Variants in GLI2 observed in about 807,000 individuals in gnomAD.
The protein encoded by GLI2 is GLI family zinc finger 2.
In GLI2, 22 loss-of-function variants were observed where a neutral mutation model predicts 78.9. That is an observed-to-expected ratio of 0.28 (90% confidence interval 0.20 to 0.40). GLI2 has a LOEUF of 0.40. GLI2 is among the 10% of genes least tolerant of loss of function. The pLI, the probability that GLI2 is intolerant of heterozygous loss-of-function variation, is 1.00. For synonymous variants in GLI2, 974 were observed against 963.7 expected (o/e 1.01, Z -0.20); for missense variants, 2,097 against 2,213.2 (o/e 0.95, Z 1.05).
At chr2:120,898,545 A>G (rs1046452225) in intron 2 of GLI2, among the ~76,000 whole-genome samples, 1 of 152,028 alleles carries the variant, frequency 6.6e-6, no homozygotes, top group African/African-American at 2.4e-5. Context: ...AGCACCCACT[A>G]TGGGCTCGAC....
At chr2:120,984,330 C>A in intron 11 of GLI2, 141 bp from the exon 12 acceptor site, 1 of 892,404 alleles carries the variant, frequency 1.1e-6, no homozygotes, top group Non-Finnish European at 1.9e-6. Flanking sequence ...GCACTGGCTG[C>A]AAATTTGACA....
At chr2:120,933,876 G>GCCCTGCCCTGC (rs1680068563) in intron 3 of GLI2, among the ~76,000 whole-genome samples, 2 of 144,686 alleles carry the variant, frequency 1.4e-5, no homozygotes, top group Admixed American at 6.8e-5. Flanking sequence ...GCCCTGCCCT[G>GCCCTGCCCTGC]CCCTGCCCTG....
intron 2 of GLI2, among the ~76,000 whole-genome samples, chr2:120,905,873 C>CA (rs879896816): frequency 5.9e-5 from 9 of 151,860 alleles, no homozygotes; most frequent in Non-Finnish European, 2.9e-5. Flanking sequence ...CACTGCCCCC[C>CA]CCCCGCCCCC....
chr2:120,956,870 G>A (rs944367697), intron 5 of GLI2, among the ~76,000 whole-genome samples: 18 of 152,050 alleles, frequency 1.2e-4, no homozygotes, highest in African/African-American at 2.2e-4. Context: ...ACCCCGACCC[G>A]CCCCCAGGGC....
intron 1 of GLI2, among the ~76,000 whole-genome samples, chr2:120,773,442 G>A (rs1458625861): frequency 6.6e-6 from 1 of 152,310 alleles, no homozygotes; most frequent in African/African-American, 2.4e-5. Flanking sequence ...TGGGAAAGCC[G>A]TTGGGGGCTC....
intron 5 of GLI2, among the ~76,000 whole-genome samples, chr2:120,957,635 G>A (rs1681337739): frequency 6.6e-6 from 1 of 152,230 alleles, no homozygotes. Flanking sequence ...CAAGAGAGGT[G>A]AGATGAGGCA....
rs1178686104 is a variant in GLI2, at chr2:120,988,266, G to A, written c.2301G>A (p.Pro767=). 6 of 1,569,796 alleles carry A rather than the reference G, an allele frequency of 3.8e-6. No homozygotes were observed. Among genetic ancestry groups the A allele is most frequent in the Admixed American group, 1.8e-5 (1 of 55,680 alleles). Residue 767 remains proline (P), a synonymous_variant, in exon 14 of 14, where the codon CCG becomes CCA. Transcript: ENST00000361492. ...SGGGGPAGLL[P]NPRLSELSAS... is the part of the protein sequence containing the mutation. ...GCGGCGGGCCCGCGGGGCTGCTGCC[G>A]AACCCGCGGCTGTCGGAGCTGTCCG...
chr2:120,824,981 G>T (rs11896536), intron 2 of GLI2, among the ~76,000 whole-genome samples: 7,858 of 152,164 alleles, frequency 0.052, 660 homozygotes, highest in African/African-American at 0.18. Context: ...GACTACAGGT[G>T]CCTGCCATCA....
chr2:120,968,353 G>A (rs1425183348), intron 5 of GLI2, among the ~76,000 whole-genome samples: 11 of 152,082 alleles, frequency 7.2e-5, no homozygotes, highest in Admixed American at 5.2e-4. Context: ...AGAGGCCACC[G>A]AACTGCTCAC....
At chr2:120,767,631 C>T (rs373544290) in intron 1 of GLI2, among the ~76,000 whole-genome samples, 9 of 152,246 alleles carry the variant, frequency 5.9e-5, no homozygotes, top group Non-Finnish European at 8.8e-5. Context: ...ATCTTCCCAC[C>T]GTCTGCCTGT....
At chr2:120,960,172 C>T (rs970246225) in intron 5 of GLI2, among the ~76,000 whole-genome samples, 1 of 152,220 alleles carries the variant, frequency 6.6e-6, no homozygotes, top group Admixed American at 6.5e-5. Flanking sequence ...GCCCTGCCTT[C>T]CTGGTGCCTG....
At chr2:120,906,526 G>T (rs578218480) in intron 2 of GLI2, among the ~76,000 whole-genome samples, 2 of 152,024 alleles carry the variant, frequency 1.3e-5, no homozygotes, top group Non-Finnish European at 2.9e-5. Context: ...TAGCTCCAGC[G>T]CACTCCCTCT....
At chr2:120,900,395 C>T (rs1678195038) in intron 2 of GLI2, among the ~76,000 whole-genome samples, 1 of 152,204 alleles carries the variant, frequency 6.6e-6, no homozygotes, top group Non-Finnish European at 1.5e-5. Context: ...AGGTGATGGC[C>T]ACTGCTGCAG....
chr2:120,860,985 A>T (rs1687876017), intron 2 of GLI2, among the ~76,000 whole-genome samples: 1 of 152,234 alleles, frequency 6.6e-6, no homozygotes, highest in Admixed American at 6.5e-5. Flanking sequence ...GATGCAAATG[A>T]TATAAATGAT....
chr2:120,902,165 G>A (rs1274841939), intron 2 of GLI2, among the ~76,000 whole-genome samples: 1 of 151,354 alleles, frequency 6.6e-6, no homozygotes, highest in Non-Finnish European at 1.5e-5. Flanking sequence ...ATTGGCACAT[G>A]CTACAAGCCA....
At chr2:120,834,318 G>A (rs1376671522) in intron 2 of GLI2, among the ~76,000 whole-genome samples, 1 of 152,172 alleles carries the variant, frequency 6.6e-6, no homozygotes, top group Non-Finnish European at 1.5e-5. Context: ...TTTGTGGAAG[G>A]GCTGGCAAGG....
chr2:120,937,871 G>A (rs956858341), intron 3 of GLI2, among the ~76,000 whole-genome samples: 1 of 152,162 alleles, frequency 6.6e-6, no homozygotes, highest in Non-Finnish European at 1.5e-5. Flanking sequence ...CACTGTGGAG[G>A]AGTTTCTATC....
intron 1 of GLI2, among the ~76,000 whole-genome samples, chr2:120,786,858 G>A (rs1020299684): frequency 1.3e-5 from 2 of 152,106 alleles, no homozygotes; most frequent in Admixed American, 6.5e-5. Flanking sequence ...GGGTCTCAGG[G>A]TCTAGAAGCT....
intron 5 of GLI2, among the ~76,000 whole-genome samples, chr2:120,956,907 T>C (rs6740871): frequency 0.98 from 149,170 of 152,206 alleles, 73,107 homozygotes; most frequent in East Asian, 1. Context: ...CCTTCACTTC[T>C]CTAAGGCCTG....
Sources: allele counts gnomAD v4.1 joint callset (sites outside exome capture counted in the v4.1 genomes callset), GRCh38; gene constraint gnomAD v4.1.1; transcripts MANE v1.5; gene names NCBI Gene and HGNC (gene_info 2026-07-23, HGNC 2026-07-21).